The following EEPD1 variants were observed in gnomAD, a reference collection of about 807,000 sequenced individuals.
EEPD1 encodes endonuclease/exonuclease/phosphatase family domain containing 1.
EEPD1 carries 17 observed loss-of-function variants against 46.3 expected under a neutral mutation model. The ratio of observed to expected loss-of-function variants is 0.37; its 90% confidence interval spans 0.25 to 0.55. EEPD1 has a LOEUF of 0.55. Ranked by LOEUF, EEPD1 falls within the 20% of genes least tolerant of loss-of-function variation. The pLI is 0.83. For synonymous variants in EEPD1, 313 were observed against 315.6 expected, an observed-to-expected ratio of 0.99 and a Z score of 0.09; for missense variants, 673 against 745.6, an observed-to-expected ratio of 0.90 and a Z score of 1.13.
chr7:36,192,092 G>A lies in EEPD1; in HGVS notation c.878+36890G>A, dbSNP rs370866284. On this transcript the variant is annotated intron_variant, in intron 2 of 7. Coordinates refer to ENST00000242108, the MANE Select transcript of EEPD1 (RefSeq NM_030636.3). ...GCACAGGCACACAGAGGCCTGAGTC[G>A]AATTTAAAAGAAGGCACTGGGCACC... 2.1e-3 allele frequency among the ~76,000 whole-genome samples: 324 copies of A among 152,330 alleles called. 2 individuals carry two copies. Among genetic ancestry groups the A allele is most frequent in the African/African-American group, 7.2e-3 (299 of 41,566 alleles).
At chr7:36,190,554 T>G (rs1323777558) in intron 2 of EEPD1, among the ~76,000 whole-genome samples, 2 of 152,222 alleles carry the variant, frequency 1.3e-5, no homozygotes, top group Non-Finnish European at 2.9e-5. Flanking sequence ...AGTCCATTTT[T>G]AGACATGGGC....
chr7:36,192,008 C>T (rs773297920), intron 2 of EEPD1, among the ~76,000 whole-genome samples: 9 of 152,076 alleles, frequency 5.9e-5, no homozygotes, highest in African/African-American at 1.2e-4. Flanking sequence ...AGAGTCTTTA[C>T]GAGACTCTTT....
chr7:36,192,760 G>T (rs1310771663), intron 2 of EEPD1, among the ~76,000 whole-genome samples: 1 of 152,178 alleles, frequency 6.6e-6, no homozygotes, highest in Non-Finnish European at 1.5e-5. Context: ...CTTGGACCAT[G>T]ACTAGAACTA....
chr7:36,207,119 A>G (rs1785834625), intron 2 of EEPD1, among the ~76,000 whole-genome samples: 1 of 152,174 alleles, frequency 6.6e-6, no homozygotes, highest in Admixed American at 6.6e-5. Flanking sequence ...TCTTTTGGCA[A>G]AAATTTATTG....
At position 36,154,048 on chromosome 7, in the gene EEPD1, G is replaced by T. The variant is rs1784770112; in HGVS notation, c.-192-85G>T. On this transcript the variant is annotated intron_variant, in intron 1 of 7. Transcript: ENST00000242108. This position sits in a 1 kb window ranked among gnomAD's most constrained non-coding sequence, Gnocchi z 4.2. ...GGCAGCCACCAGTCCCCGACTCCTG[G>T]TTACTAACTCTAGCACTAGGTAGGG... 1 of 478,610 alleles carries T rather than the reference G, an allele frequency of 2.1e-6. No individual in the cohort carries two copies. The highest frequency in any genetic ancestry group is 3.7e-6 in the Non-Finnish European group (1 of 267,584). 29.6% of individuals were successfully genotyped at this position (478,610 alleles called of 1,614,324 possible).
intron 2 of EEPD1, among the ~76,000 whole-genome samples, chr7:36,168,947 A>T (rs1242396550): frequency 1.3e-5 from 2 of 152,148 alleles, no homozygotes; most frequent in African/African-American, 4.8e-5. Flanking sequence ...GATTCTGGAT[A>T]TTGCTTATAA....
intron 3 of EEPD1, among the ~76,000 whole-genome samples, chr7:36,274,448 CTTCT>C (rs1237970240): frequency 2.6e-5 from 4 of 152,106 alleles, no homozygotes; most frequent in Non-Finnish European, 4.4e-5. Flanking sequence ...TTGTAGTAGG[CTTCT>C]TTGTTATATT....
At chr7:36,266,418 G>A (rs775689990) in intron 3 of EEPD1, among the ~76,000 whole-genome samples, 10 of 152,040 alleles carry the variant, frequency 6.6e-5, no homozygotes, top group Non-Finnish European at 1.2e-4. Context: ...CTGACCTCCT[G>A]TTTCTCCCCT....
chr7:36,217,910 A>G (rs28626929), intron 2 of EEPD1, among the ~76,000 whole-genome samples: 2,388 of 152,332 alleles, frequency 0.016, 59 homozygotes, highest in African/African-American at 0.055. Flanking sequence ...TTAATTTGCA[A>G]TCACAGACCC....
Position 36,295,035 on chromosome 7 carries a change from AG to A in EEPD1, c.1316-1956del, listed in dbSNP as rs1441698233. On this transcript the variant is annotated intron_variant, in intron 6 of 7. Coordinates refer to ENST00000242108, the MANE Select transcript of EEPD1 (RefSeq NM_030636.3). ...TCTACTAAAAATACAAAGATTAGCC[AG>A]GCGTGGTGGTCCATACCTGTAATCC... 3.3e-5 allele frequency among the ~76,000 whole-genome samples: 5 copies of A among 152,040 alleles called. No homozygotes were observed. In the South Asian group the frequency reaches 6.2e-4, roughly 19 times the overall value.
At chr7:36,216,828 CA>C (rs1562690349) in intron 2 of EEPD1, among the ~76,000 whole-genome samples, 1 of 152,194 alleles carries the variant, frequency 6.6e-6, no homozygotes, top group African/African-American at 2.4e-5. Context: ...CAGACAACAG[CA>C]CATACAATAT....
chr7:36,263,827 T>C (rs1786970769), intron 3 of EEPD1, among the ~76,000 whole-genome samples: 1 of 152,336 alleles, frequency 6.6e-6, no homozygotes. Flanking sequence ...AATAAATTGC[T>C]ATGTATCGAT....
chr7:36,277,161 C>T (rs1205186820), intron 3 of EEPD1, among the ~76,000 whole-genome samples: 1 of 152,240 alleles, frequency 6.6e-6, no homozygotes, highest in African/African-American at 2.4e-5. Flanking sequence ...GGGGCCAGCC[C>T]CAACCCTTTT....
intron 2 of EEPD1, among the ~76,000 whole-genome samples, chr7:36,182,212 A>T (rs1039111582): frequency 6.6e-6 from 1 of 152,242 alleles, no homozygotes; most frequent in Non-Finnish European, 1.5e-5. Flanking sequence ...GCCCACATGG[A>T]AAAATTTCTG....
chr7:36,177,249 T>C (rs71535851), intron 2 of EEPD1, among the ~76,000 whole-genome samples: 22,732 of 152,130 alleles, frequency 0.15, 2,274 homozygotes, highest in Non-Finnish European at 0.23. Context: ...TTTTTTTTTT[T>C]TCATTTTTAA....
intron 6 of EEPD1, among the ~76,000 whole-genome samples, chr7:36,291,437 A>C (rs886868385): frequency 1.3e-5 from 2 of 152,164 alleles, no homozygotes; most frequent in Non-Finnish European, 2.9e-5. Flanking sequence ...CCTGTTTCGT[A>C]CCTGCAGAAG....
chr7:36,296,065 C>T (rs1277885227), intron 6 of EEPD1, among the ~76,000 whole-genome samples: 2 of 148,688 alleles, frequency 1.3e-5, no homozygotes, highest in Non-Finnish European at 3.0e-5. Flanking sequence ...ATGAGATGCT[C>T]ACTTCAGCAT....
At chr7:36,236,480 C>T (rs1044584244) in intron 2 of EEPD1, among the ~76,000 whole-genome samples, 1 of 152,234 alleles carries the variant, frequency 6.6e-6, no homozygotes, top group African/African-American at 2.4e-5. Context: ...GTCTCTTTCT[C>T]GTTTCCCCTC....
At chr7:36,281,986 G>A (rs1190664034) in intron 4 of EEPD1, among the ~76,000 whole-genome samples, 1 of 152,136 alleles carries the variant, frequency 6.6e-6, no homozygotes, top group East Asian at 1.9e-4. Context: ...AATCATAAAT[G>A]TATACTGGAT....
Sources: gnomAD v4.1 joint callset for allele counts (sites outside exome capture counted in the v4.1 genomes callset) on GRCh38, gnomAD v4.1.1 for gene constraint, Gnocchi (gnomAD v3.1) non-coding constraint, MANE v1.5 for transcripts, NCBI Gene and HGNC (gene_info 2026-07-23, HGNC 2026-07-21) for gene names.